Variants in ZMAT4 observed in about 807,000 individuals in gnomAD.
ZMAT4 encodes zinc finger matrin-type protein 4.
ZMAT4 carries 17 observed loss-of-function variants against 28.7 expected under a neutral mutation model. The observed-to-expected ratio is 0.59, with a 90% confidence interval of 0.41 to 0.89. The LOEUF is 0.89. Ranked by LOEUF, ZMAT4 falls within the 40% of genes least tolerant of loss-of-function variation. The pLI is 0.00. For synonymous variants in ZMAT4, 117 were observed against 109.2 expected, an observed-to-expected ratio of 1.07 and a Z score of -0.44; for missense variants, 240 against 283.8, an observed-to-expected ratio of 0.85 and a Z score of 1.11.
At chr8:40,694,139 A>G (rs1006059299) in intron 4 of ZMAT4, among the ~76,000 whole-genome samples, 2 of 152,106 alleles carry the variant, frequency 1.3e-5, no homozygotes, top group African/African-American at 4.8e-5. Context: ...CGGTTCCTAG[A>G]GGAGCACAAG....
At chr8:40,765,938 C>A (rs148975776) in intron 3 of ZMAT4, among the ~76,000 whole-genome samples, 1,657 of 152,342 alleles carry the variant, frequency 0.011, 22 homozygotes, top group African/African-American at 0.038. Context: ...AATAGATACT[C>A]TCCCAATGGG....
chr8:40,816,334 T>A (rs1030715680), intron 2 of ZMAT4, among the ~76,000 whole-genome samples: 1 of 152,142 alleles, frequency 6.6e-6, no homozygotes, highest in Non-Finnish European at 1.5e-5. Flanking sequence ...CTAAATAATT[T>A]TGTGGCCCAA....
chr8:40,859,887 T>G (rs149902899), intron 1 of ZMAT4, among the ~76,000 whole-genome samples: 48 of 152,300 alleles, frequency 3.2e-4, no homozygotes, highest in Non-Finnish European at 6.8e-4. Context: ...CTGGATCTAC[T>G]TTCCAGTCTT....
intron 5 of ZMAT4, among the ~76,000 whole-genome samples, chr8:40,651,626 C>T (rs1807655479): frequency 6.7e-6 from 1 of 150,130 alleles, no homozygotes; most frequent in Non-Finnish European, 1.5e-5. Flanking sequence ...CCAAGTCAAT[C>T]CTAAGCCAAA....
intron 5 of ZMAT4, among the ~76,000 whole-genome samples, chr8:40,621,772 G>C (rs976236696): frequency 1.3e-5 from 2 of 152,142 alleles, no homozygotes; most frequent in African/African-American, 4.8e-5. Flanking sequence ...TGAATGACTT[G>C]GACCAGATCT....
intron 6 of ZMAT4, among the ~76,000 whole-genome samples, chr8:40,537,938 C>G (rs1302590430): frequency 6.6e-6 from 1 of 152,160 alleles, no homozygotes; most frequent in Non-Finnish European, 1.5e-5. Context: ...CTGCAAAGTG[C>G]TAGGCTTTGG....
At chr8:40,663,076 G>A (rs1414604178) in intron 5 of ZMAT4, among the ~76,000 whole-genome samples, 2 of 152,020 alleles carry the variant, frequency 1.3e-5, no homozygotes, top group East Asian at 3.9e-4. Context: ...ATACAGTTCC[G>A]CTTTGCCTGA....
chr8:40,661,536 G>A lies in ZMAT4; in HGVS notation c.577+13168C>T, dbSNP rs144325790. 5.9e-5 allele frequency among the ~76,000 whole-genome samples: 9 copies of A among 152,246 alleles called. No individual in the cohort carries two copies. In the East Asian group the frequency reaches 1.5e-3, roughly 26 times the overall value. On this transcript the variant is annotated intron_variant, in intron 5 of 6. Transcript: ENST00000297737. The stretch of plus-strand genomic sequence containing the variant: ...ATCACTTAGAGAATCCCATCTACTG[G>A]GATTAAGTCCATCTGCAGCAGCTTT...
intron 6 of ZMAT4, among the ~76,000 whole-genome samples, chr8:40,548,651 A>G (rs1158900878): frequency 5.3e-5 from 8 of 152,176 alleles, no homozygotes; most frequent in Non-Finnish European, 1.0e-4. Context: ...AGGTCCAGAG[A>G]TAAGGGGGTT....
chr8:40,821,763 T>C lies in ZMAT4; in HGVS notation c.102+3812A>G, dbSNP rs190285042. On this transcript the variant is annotated intron_variant, in intron 2 of 6. Coordinates refer to ENST00000297737, the MANE Select transcript of ZMAT4 (RefSeq NM_024645.3). ...TCTATCATTTAGAAATATTCAGTTA[T>C]AGAGTTATGCTGCCAAATGCTTAAG... is the stretch of plus-strand genomic sequence containing the variant. Among the ~76,000 whole-genome samples the C allele has an allele frequency of 2.5e-4, 38 of 152,334 alleles. No individual in the cohort carries two copies. The East Asian group carries it at 2.7e-3, about 11-fold the overall frequency.
intron 6 of ZMAT4, among the ~76,000 whole-genome samples, chr8:40,557,664 C>T (rs891344848): frequency 6.6e-5 from 10 of 152,130 alleles, no homozygotes; most frequent in Non-Finnish European, 1.0e-4. Flanking sequence ...CAAGGCATTT[C>T]CCACCTTATA....
chr8:40,607,720 G>T (rs1418971427), intron 5 of ZMAT4, among the ~76,000 whole-genome samples: 1 of 152,134 alleles, frequency 6.6e-6, no homozygotes, highest in East Asian at 1.9e-4. Context: ...CCCACAGAGT[G>T]CTCCCTTGAT....
intron 5 of ZMAT4, among the ~76,000 whole-genome samples, chr8:40,588,921 CAAAG>C (rs1804759773): frequency 6.6e-6 from 1 of 152,136 alleles, no homozygotes; most frequent in Non-Finnish European, 1.5e-5. Flanking sequence ...TCGTAACACT[CAAAG>C]AAATATTTAC....
Position 40,599,395 on chromosome 8 carries a change from G to GTATA in ZMAT4, c.578-18138_578-18135dup, listed in dbSNP as rs142282731. On this transcript the variant is annotated intron_variant, in intron 5 of 6. Transcript: ENST00000297737. ...ACACAGCACATATATATGTGTGTGT[G>GTATA]TATATATATGTGTGTGTGTGTGTAG... 3.0e-4 allele frequency among the ~76,000 whole-genome samples: 45 copies of GTATA among 152,062 alleles called. No individual in the cohort carries two copies. The South Asian group carries it at 9.4e-3, about 32-fold the overall frequency.
chr8:40,601,454 A>G lies in ZMAT4; in HGVS notation c.578-20193T>C, dbSNP rs1283933269. Among the ~76,000 whole-genome samples the G allele has an allele frequency of 1.9e-4, 17 of 88,738 alleles. 1 individual carries two copies. The highest frequency in any genetic ancestry group is 5.5e-4 in the African/African-American group (13 of 23,560). The allele number at this position is 88,738 out of a possible 152,430, so 58.2% of individuals were successfully genotyped here. ...GAAGGAAGGAAGGAAGGAAGGAAGG[A>G]AGGGAGGAAGAAAGGAAAGAAAGAA... On this transcript the variant is annotated intron_variant, in intron 5 of 6. Transcript: ENST00000297737.
At chr8:40,596,174 A>C (rs191556704) in intron 5 of ZMAT4, among the ~76,000 whole-genome samples, 3 of 152,288 alleles carry the variant, frequency 2.0e-5, no homozygotes, top group Admixed American at 2.0e-4. Context: ...CTGTAATTGA[A>C]GCTTGCAGGT....
At chr8:40,653,492 C>T (rs548265402) in intron 5 of ZMAT4, among the ~76,000 whole-genome samples, 2 of 151,836 alleles carry the variant, frequency 1.3e-5, no homozygotes, top group African/African-American at 2.4e-5. Flanking sequence ...AAAAGATCAA[C>T]AAAACTGATA....
chr8:40,799,479 G>A (rs1013924254), intron 2 of ZMAT4, among the ~76,000 whole-genome samples: 5 of 152,098 alleles, frequency 3.3e-5, no homozygotes, highest in African/African-American at 1.2e-4. Context: ...TTAAAGATTT[G>A]TGCCTCTTTA....
At chr8:40,829,983 T>C (rs1406927466) in intron 1 of ZMAT4, among the ~76,000 whole-genome samples, 1 of 151,934 alleles carries the variant, frequency 6.6e-6, no homozygotes, top group Non-Finnish European at 1.5e-5. Context: ...AAAACCTAGA[T>C]GGAAGAAAAA....
Sources: allele counts gnomAD v4.1 joint callset (sites outside exome capture counted in the v4.1 genomes callset), GRCh38; gene constraint gnomAD v4.1.1; transcripts MANE v1.5; gene names NCBI Gene and HGNC (gene_info 2026-07-23, HGNC 2026-07-21).